The following CHN2 variants were observed in gnomAD, a reference collection of about 807,000 sequenced individuals.
CHN2 encodes chimerin 2.
In CHN2, 35 loss-of-function variants were observed where a neutral mutation model predicts 56.3. That is an observed-to-expected ratio of 0.62 (90% CI 0.47 to 0.82). The LOEUF is 0.82. CHN2 is among the 40% of genes least tolerant of loss of function. The probability of loss-of-function intolerance (pLI) is 0.00; values close to 1 mark genes in which losing one functional copy is unlikely to be tolerated. For synonymous variants in CHN2, 210 were observed against 212.8 expected, an observed-to-expected ratio of 0.99 and a Z score of 0.12; for missense variants, 491 against 580.5, an observed-to-expected ratio of 0.85 and a Z score of 1.58.
intron 1 of CHN2, among the ~76,000 whole-genome samples, chr7:29,277,905 A>C (rs781592329): frequency 2.6e-4 from 40 of 152,194 alleles, no homozygotes; most frequent in Non-Finnish European, 4.9e-4. Context: ...TCTCCCCTTC[A>C]GCCCCTCAAT....
chr7:29,372,495 G>A (rs1336540767), intron 3 of CHN2, among the ~76,000 whole-genome samples: 1 of 152,076 alleles, frequency 6.6e-6, no homozygotes, highest in East Asian at 1.9e-4. Flanking sequence ...CTCTCCAGGA[G>A]AATACAACCT....
intron 7 of CHN2, 146 bp downstream of exon 7, chr7:29,480,502 C>T (rs1787076146): frequency 1.3e-5 from 11 of 841,392 alleles, no homozygotes; most frequent in Admixed American, 5.1e-5. Flanking sequence ...TTAACACCTG[C>T]GCTTTCTGTC....
At chr7:29,305,805 T>TTCCTCCTCATCTTTCTCCTCCTCC (rs1794098037) in intron 1 of CHN2, among the ~76,000 whole-genome samples, 2 of 130,710 alleles carry the variant, frequency 1.5e-5, no homozygotes, top group South Asian at 2.9e-4. Flanking sequence ...CTCCCGTTCC[T>TTCCTCCTCATCTTTCTCCTCCTCC]TCCTCCTCGT....
chr7:29,495,382 A>G (rs1253041811), intron 7 of CHN2, among the ~76,000 whole-genome samples: 1 of 152,206 alleles, frequency 6.6e-6, no homozygotes, highest in African/African-American at 2.4e-5. Context: ...CCTACTGAAT[A>G]TGGAAACTAT....
At chr7:29,284,379 G>A (rs10227339) in intron 1 of CHN2, among the ~76,000 whole-genome samples, 1 of 152,224 alleles carries the variant, frequency 6.6e-6, no homozygotes, top group African/African-American at 2.4e-5. Context: ...ACAGGCATGA[G>A]CCACCACATT....
chr7:29,157,537 C>A (rs1794572724), intron 2 of CHN2, among the ~76,000 whole-genome samples: 1 of 152,186 alleles, frequency 6.6e-6, no homozygotes, highest in Non-Finnish European at 1.5e-5. Context: ...AATGTTCAGA[C>A]TGATGCACAA....
chr7:29,447,671 C>A (rs952716516), intron 6 of CHN2, among the ~76,000 whole-genome samples: 16 of 152,072 alleles, frequency 1.1e-4, no homozygotes, highest in Admixed American at 1.3e-4. Context: ...GGAGGGGTTT[C>A]AAAGGAGCAC....
intron 1 of CHN2, among the ~76,000 whole-genome samples, chr7:29,197,349 A>G (rs533158114): frequency 6.6e-6 from 1 of 152,332 alleles, no homozygotes; most frequent in East Asian, 1.9e-4. Context: ...TTCTGGCTTC[A>G]TCACCGACCA....
intron 1 of CHN2, among the ~76,000 whole-genome samples, chr7:29,195,629 A>AGAGAGAGAGAGAGAGAGAGAGAGAGTGT (rs869037854): frequency 4.3e-5 from 5 of 117,570 alleles, no homozygotes; most frequent in East Asian, 3.8e-4. Flanking sequence ...AGAGAGAGAG[A>AGAGAGAGAGAGAGAGAGAGAGAGAGTGT]GTGTGTGTGT....
Position 29,203,540 on chromosome 7 carries a change from G to GT in CHN2, c.49+8556dup, listed in dbSNP as rs1363594605. Among the ~76,000 whole-genome samples the GT allele has an allele frequency of 2.3e-4, 34 of 146,928 alleles. 1 individual carries two copies. The highest frequency in any genetic ancestry group is 1.9e-3 in the Admixed American group (28 of 14,662). On this transcript the variant is annotated intron_variant, in intron 1 of 12. Transcript: ENST00000222792. Reference sequence around the variant, plus strand: ...TATATTTACAAAATTAATTTTACCTGTTTTTTAAAAATGTGTTTAAGGTAA... The same window carrying GT: ...TATATTTACAAAATTAATTTTACCTGTTTTTTTAAAAATGTGTTTAAGGTAA...
chr7:29,180,047 T>C (rs1797864847), intron 2 of CHN2, among the ~76,000 whole-genome samples: 1 of 152,228 alleles, frequency 6.6e-6, no homozygotes, highest in African/African-American at 2.4e-5. Flanking sequence ...CTTTCATCAA[T>C]GATGTAGGTT....
chr7:29,486,750 C>A (rs899219310), intron 7 of CHN2, among the ~76,000 whole-genome samples: 1 of 152,134 alleles, frequency 6.6e-6, no homozygotes, highest in African/African-American at 2.4e-5. Context: ...TCTCAACATG[C>A]AACCCCCACC....
At chr7:29,408,360 G>A (rs1802859841) in intron 6 of CHN2, among the ~76,000 whole-genome samples, 1 of 152,126 alleles carries the variant, frequency 6.6e-6, no homozygotes, top group Admixed American at 6.5e-5. Context: ...GATGGAAGGG[G>A]AGACGAGAGT....
intron 12 of CHN2, among the ~76,000 whole-genome samples, chr7:29,512,241 T>C (rs1791550837): frequency 6.6e-6 from 1 of 151,802 alleles, no homozygotes; most frequent in Admixed American, 6.6e-5. Context: ...CCTCAGAATC[T>C]GCTGCCCCTA....
At chr7:29,503,012 G>A (rs1473549805) in intron 9 of CHN2, among the ~76,000 whole-genome samples, 3 of 151,982 alleles carry the variant, frequency 2.0e-5, no homozygotes, top group Non-Finnish European at 4.4e-5. Flanking sequence ...ATTTTTCTAC[G>A]TTCCTTGAAA....
intron 7 of CHN2, 70 bp downstream of exon 7, chr7:29,480,426 G>T: frequency 6.7e-7 from 1 of 1,485,992 alleles, no homozygotes; most frequent in Non-Finnish European, 9.4e-7. Context: ...TATAGTTTCC[G>T]TCTGGTTTCT....
intron 1 of CHN2, among the ~76,000 whole-genome samples, chr7:29,203,463 G>A (rs1258744162): frequency 4.9e-5 from 4 of 81,898 alleles, no homozygotes; most frequent in East Asian, 9.3e-4. Context: ...GTGAAACTCC[G>A]TCTCAAAAAA....
intron 1 of CHN2, among the ~76,000 whole-genome samples, chr7:29,263,148 C>G (rs1276622698): frequency 6.6e-6 from 1 of 152,310 alleles, no homozygotes; most frequent in African/African-American, 2.4e-5. Flanking sequence ...CCTGCCTCAG[C>G]CTGCCGAGTG....
intron 2 of CHN2, among the ~76,000 whole-genome samples, chr7:29,154,318 G>A (rs545964523): frequency 2.6e-5 from 4 of 152,294 alleles, no homozygotes; most frequent in East Asian, 3.9e-4. Flanking sequence ...CTCTCCATTC[G>A]TATGCAGTGA....
Sources: allele counts gnomAD v4.1 joint callset (sites outside exome capture counted in the v4.1 genomes callset), GRCh38; gene constraint gnomAD v4.1.1; transcripts MANE v1.5; gene names NCBI Gene and HGNC (gene_info 2026-07-23, HGNC 2026-07-21).